SH3TC1: variants seen among roughly 807,000 people sequenced by gnomAD.
SH3TC1 encodes SH3 domain and tetratricopeptide repeats 1.
A neutral mutation model predicts 117.3 loss-of-function variants in SH3TC1; 135 were observed. The observed-to-expected ratio is 1.15, with a 90% CI of 1.00 to 1.33. The LOEUF is 1.33. Among genes scored for constraint, SH3TC1 ranks in the 40% most tolerant of loss-of-function variants. SH3TC1 has a pLI of 0.00. For synonymous variants in SH3TC1, 898 were observed against 816.9 expected (o/e 1.10, Z -1.69); for missense variants, 2,092 against 1,794.3 (o/e 1.17, Z -3.00).
intron 16 of SH3TC1, chr4:8,236,790 A>C: frequency 4.9e-6 from 1 of 202,560 alleles, no homozygotes; most frequent in Non-Finnish European, 9.9e-6. Flanking sequence ...CATCAACCAC[A>C]CGGCTCTGTG....
Position 8,237,574 on chromosome 4 carries a change from G to A in SH3TC1, c.3657G>A (p.Leu1219=), listed in dbSNP as rs769424709. ...ELAEHFYLKA[L]SLCNSPLEFD... is the part of the protein sequence containing the mutation. ...CAGAGCACTTCTACCTCAAGGCCCT[G>A]TCGCTCTGCAACTCGCCGCTGGAGT... is the stretch of plus-strand genomic sequence containing the variant. The change falls in exon 17 of 18, where the codon CTG becomes CTA. Residue 1219 remains leucine (L), a synonymous_variant. Transcript: ENST00000245105. The A allele has an allele frequency of 3.7e-6, 6 of 1,612,306 alleles. No homozygotes were observed. The highest frequency in any genetic ancestry group is 1.7e-5 in the Admixed American group (1 of 59,876).
chr4:8,236,369 A>C lies in SH3TC1; in HGVS notation c.3497A>C (p.Glu1166Ala). 6.5e-7 allele frequency: 1 copy of C among 1,543,848 alleles called. No homozygotes were observed. Among genetic ancestry groups the C allele is most frequent in the Non-Finnish European group, 8.7e-7 (1 of 1,143,514 alleles). The change falls in exon 16 of 18, where the codon GAG (glutamate) becomes GCG (alanine). Residue 1166 changes from glutamate to alanine, a missense_variant. By Grantham distance (107) the Glu-to-Ala change is moderately radical. Transcript: ENST00000245105. Reference sequence around the variant, plus strand: ...CTGGTGGCACTGCTGGCCACGCTGGAGGAGCCCCAGGAGGGCTTGGAGTTT... The same window carrying C: ...CTGGTGGCACTGCTGGCCACGCTGGCGGAGCCCCAGGAGGGCTTGGAGTTT... The part of the protein sequence containing the change: ...NKLVALLATL[E>A]EPQEGLEFAH...
intron 1 of SH3TC1, among the ~76,000 whole-genome samples, chr4:8,182,991 G>T (rs1003229953): frequency 3.0e-4 from 45 of 152,168 alleles, no homozygotes; most frequent in African/African-American, 1.1e-3. Context: ...CGCAGAGGCT[G>T]TTGGGGCAGT....
intron 15 of SH3TC1, chr4:8,236,074 C>T (rs1382995818): frequency 2.1e-5 from 13 of 615,650 alleles, no homozygotes; most frequent in African/African-American, 5.8e-5. Context: ...TTGAGGCTGC[C>T]GGGTGTAGCT....
chr4:8,227,342 G>A lies in SH3TC1; in HGVS notation c.1648G>A (p.Ala550Thr). The stretch of plus-strand genomic sequence containing the variant: ...GCGCCTGGCACAGGCCCGGGGGGCG[G>A]CCAAGAAAGCTGGCCTCCTCATGGC... ...TGRLAQARGA[A>T]KKAGLLMALA... The change falls in exon 12 of 18, where the codon GCC becomes ACC. Residue 550 changes from alanine (A) to threonine (T), a missense_variant. Ala to Thr is a moderately conservative substitution (Grantham distance 58). Coordinates refer to ENST00000245105, the MANE Select transcript of SH3TC1 (RefSeq NM_018986.5). 1.2e-6 allele frequency: 2 copies of A among 1,602,222 alleles called. No individual in the cohort carries two copies. Among genetic ancestry groups the A allele is most frequent in the Non-Finnish European group, 8.5e-7 (1 of 1,175,046 alleles).
Position 8,209,926 on chromosome 4 carries a change from A to T in SH3TC1, c.247+104A>T. 1 of 1,156,132 alleles carries T rather than the reference A, an allele frequency of 8.6e-7. No individual in the cohort carries two copies. The highest frequency in any genetic ancestry group is 1.2e-6 in the Non-Finnish European group (1 of 809,266). The allele number at this position is 1,156,132 out of a possible 1,614,324, so 71.6% of individuals were successfully genotyped here. ...CCAGGGCTTCTCAAAGTGTGGCCTCAGACTTCCCACCTTAAAATCATGATG... is the reference window on the plus strand; with the variant it reads ...CCAGGGCTTCTCAAAGTGTGGCCTCTGACTTCCCACCTTAAAATCATGATG... On this transcript the variant is annotated intron_variant, in intron 3 of 17. Coordinates refer to ENST00000245105, the MANE Select transcript of SH3TC1 (RefSeq NM_018986.5). The surrounding 1 kb of genome is among the most constrained non-coding windows in gnomAD (Gnocchi z 5.9).
chr4:8,190,369 C>T lies in SH3TC1; in HGVS notation c.-57+8159C>T, dbSNP rs1474323903. Among the ~76,000 whole-genome samples, 4 of 152,228 alleles carry T rather than the reference C, an allele frequency of 2.6e-5. No homozygotes were observed. In the East Asian group the frequency reaches 7.7e-4, roughly 29 times the overall value. ...GTCAGGATCAACCCCCATCACTGGGCTCTGCAGAATGCCAAAATTCCAGCT... is the reference window on the plus strand; with the variant it reads ...GTCAGGATCAACCCCCATCACTGGGTTCTGCAGAATGCCAAAATTCCAGCT... On this transcript the variant is annotated intron_variant, in intron 1 of 16. Coordinates refer to the SH3TC1 transcript ENST00000508641. The surrounding 1 kb of genome is among the most constrained non-coding windows in gnomAD (Gnocchi z 4.7).
rs1209516792 is a variant in SH3TC1, at chr4:8,236,427, G to A, written c.3555G>A (p.Leu1185=). ...AHMALALSIT[L]GDRLNERVAY... is the part of the protein sequence containing the mutation. ...TGGCCCTAGCACTCAGCATCACCCT[G>A]GGTAAGCCCCCTGAGCCCCTGCCCT... Residue 1185 remains leucine (L), a splice_region_variant and synonymous_variant, in exon 16 of 18, where the codon CTG becomes CTA. Coordinates refer to ENST00000245105, the MANE Select transcript of SH3TC1 (RefSeq NM_018986.5). 2 of 1,460,386 alleles carry A rather than the reference G, an allele frequency of 1.4e-6. No homozygotes were observed. The highest frequency in any genetic ancestry group is 2.4e-5 in the Admixed American group (1 of 41,742). 90.5% of individuals were successfully genotyped at this position (1,460,386 alleles called of 1,614,324 possible).
Position 8,210,959 on chromosome 4 carries a change from G to A in SH3TC1, c.247+1137G>A, listed in dbSNP as rs1217626065. ...GGCAGGTGCTTTAAGCTTATTCAAA[G>A]GTGTGAGAATCCATCTCTGTCTCTG... On this transcript the variant is annotated intron_variant, in intron 3 of 17. Coordinates refer to ENST00000245105, the MANE Select transcript of SH3TC1 (RefSeq NM_018986.5). The surrounding 1 kb of genome is among the most constrained non-coding windows in gnomAD (Gnocchi z 4.1). Among the ~76,000 whole-genome samples the A allele has an allele frequency of 6.6e-6, 1 of 151,622 alleles. No individual in the cohort carries two copies. The highest frequency in any genetic ancestry group is 1.5e-5 in the Non-Finnish European group (1 of 67,942).
chr4:8,213,279 A>AGGGCTGGGGGCTTGGGAGCT (rs1414801682), intron 4 of SH3TC1: 1 of 158,670 alleles, frequency 6.3e-6, no homozygotes, highest in Non-Finnish European at 1.4e-5. Context: ...CCCATGGCTG[A>AGGGCTGGGGGCTTGGGAGCT]GGGCTGGGGG....
In SH3TC1 at chr4:8,232,059, C is replaced by T. The variant is rs527913608; in HGVS notation, c.3034C>T (p.Leu1012Phe). 2 of 1,613,514 alleles carry T rather than the reference C, an allele frequency of 1.2e-6. No individual in the cohort carries two copies. The highest frequency in any genetic ancestry group is 1.6e-4 in the Middle Eastern group (1 of 6,062). Residue 1012 changes from leucine to phenylalanine, a missense_variant, in exon 13 of 18, where the codon CTC becomes TTC. Transcript: ENST00000245105. ...GGCCCAGTGTGTCATCTACCATGAG[C>T]TCCAGCTCTCCCTGGCCTGCAAGGT... ...SEAQCVIYHE[L>F]QLSLACKVAD...
Position 8,212,736 on chromosome 4 carries a change from A to G in SH3TC1, c.283A>G (p.Ser95Gly). Residue 95 changes from serine (S) to glycine (G), a missense_variant, in exon 4 of 18, where the codon AGC becomes GGC. Coordinates refer to ENST00000245105, the MANE Select transcript of SH3TC1 (RefSeq NM_018986.5). ...GCAGCTGCTGGCTGTGCGGAGGAAG[A>G]GCAGACTGCGGGACCCCGGCCTACA... ...TLQLLAVRRK[S>G]RLRDPGLQQT... 6.2e-7 allele frequency: 1 copy of G among 1,612,908 alleles called. No homozygotes were observed. Among genetic ancestry groups the G allele is most frequent in the Non-Finnish European group, 8.5e-7 (1 of 1,179,930 alleles).
In SH3TC1 at chr4:8,235,432, G is replaced by T. The variant is rs756879467; in HGVS notation, c.3283-1G>T. The T allele has an allele frequency of 7.3e-6, 11 of 1,505,166 alleles. No individual in the cohort carries two copies. The African/African-American group carries it at 1.5e-4, about 21-fold the overall frequency. 93.2% of individuals were successfully genotyped at this position (1,505,166 alleles called of 1,614,324 possible). On this transcript the variant is annotated splice_acceptor_variant, in intron 14 of 17. Transcript: ENST00000245105. LOFTEE classifies it high-confidence loss of function. ...TTGAGGGAACTTCTGCCTCCTTTCA[G>T]GTGGCACAGAACGTGGCCCTGTACA...
At chr4:8,204,731 T>G in intron 1 of SH3TC1, 1 of 153,720 alleles carries the variant, frequency 6.5e-6, no homozygotes, top group Admixed American at 6.5e-5. Context: ...CCTGTGCCTA[T>G]TTGTGACGCT....
Position 8,225,300 on chromosome 4 carries a change from C to G in SH3TC1, c.1285+84C>G. On this transcript the variant is annotated intron_variant, in intron 11 of 17. Transcript: ENST00000245105. The surrounding 1 kb of genome is among the most constrained non-coding windows in gnomAD (Gnocchi z 5.5). ...CTGGGGGAGGTGACAAAGCTGAGCA[C>G]GGTGGGCATTGGGTGCGGCTGTCAC... 1 of 1,477,052 alleles carries G rather than the reference C, an allele frequency of 6.8e-7. No individual in the cohort carries two copies. The highest frequency in any genetic ancestry group is 2.4e-5 in the East Asian group (1 of 41,882). 91.5% of individuals were successfully genotyped at this position (1,477,052 alleles called of 1,614,324 possible).
At chr4:8,201,992 A>G (rs988717778) in intron 1 of SH3TC1, among the ~76,000 whole-genome samples, 13 of 152,216 alleles carry the variant, frequency 8.5e-5, no homozygotes, top group Admixed American at 2.6e-4. Flanking sequence ...CTCCAAGGTC[A>G]GGCGTTCGGA....
intron 1 of SH3TC1, among the ~76,000 whole-genome samples, chr4:8,199,999 C>T (rs746437190): frequency 2.6e-4 from 39 of 152,212 alleles, no homozygotes; most frequent in Non-Finnish European, 8.8e-5. Context: ...TGTGCCGGGG[C>T]GTGTGCTCCT....
In SH3TC1 at chr4:8,206,922, C is replaced by G. The variant is rs1718258398; in HGVS notation, c.172+1556C>G. On this transcript the variant is annotated intron_variant, in intron 2 of 17. Coordinates refer to ENST00000245105, the MANE Select transcript of SH3TC1 (RefSeq NM_018986.5). This position sits in a 1 kb window ranked among gnomAD's most constrained non-coding sequence, Gnocchi z 5.5. ...ATTGCAGACATGATGCCCCTTCATC[C>G]TAAAAGGTGTCCATATTTCCTAAAA... 1.3e-5 allele frequency among the ~76,000 whole-genome samples: 2 copies of G among 151,152 alleles called. No individual in the cohort carries two copies. Among genetic ancestry groups the G allele is most frequent in the African/African-American group, 4.9e-5 (2 of 41,104 alleles).
chr4:8,224,899 G>A (rs1330306999), intron 10 of SH3TC1: 3 of 466,252 alleles, frequency 6.4e-6, no homozygotes, highest in Non-Finnish European at 1.2e-5. Context: ...GGAGATGCTA[G>A]AACATGAGAA....
Sources: gnomAD v4.1 joint callset for allele counts (sites outside exome capture counted in the v4.1 genomes callset) on GRCh38, gnomAD v4.1.1 for gene constraint, Gnocchi (gnomAD v3.1) non-coding constraint, MANE v1.5 for transcripts, NCBI Gene and HGNC (gene_info 2026-07-23, HGNC 2026-07-21) for gene names.